The following LAMA2 variants were observed in gnomAD, a reference collection of about 807,000 sequenced individuals.
LAMA2 encodes the protein laminin subunit alpha 2, also known as laminin subunit alpha-2.
A neutral mutation model predicts 364.8 loss-of-function variants in LAMA2; 269 were observed. The ratio of observed to expected loss-of-function variants is 0.74; its 90% confidence interval spans 0.67 to 0.82. The LOEUF (loss-of-function observed/expected upper bound fraction) is 0.82. LAMA2 is among the 40% of genes least tolerant of loss of function. LAMA2 has a pLI of 0.00. For synonymous variants in LAMA2, 1,379 were observed against 1,370.6 expected, an observed-to-expected ratio of 1.01 and a Z score of -0.14; for missense variants, 3,807 against 3,873.2, an observed-to-expected ratio of 0.98 and a Z score of 0.45.
intron 58 of LAMA2, among the ~76,000 whole-genome samples, chr6:129,499,452 T>C (rs997436935): frequency 1.3e-5 from 2 of 152,174 alleles, no homozygotes; most frequent in African/African-American, 4.8e-5. Flanking sequence ...TTAGATCTTT[T>C]CTCTTACCCT....
In LAMA2 at chr6:128,935,399, C is replaced by T. The variant is rs985197002; in HGVS notation, c.112+52042C>T. On this transcript the variant is annotated intron_variant, in intron 1 of 64. Coordinates refer to ENST00000421865, the MANE Select transcript of LAMA2 (RefSeq NM_000426.4). ...GTCCCTGCAAAGGACATAAACTCAT[C>T]TTTTTTATGACTCTGTAGTATTCCA... Among the ~76,000 whole-genome samples, 29 of 152,194 alleles carry T rather than the reference C, an allele frequency of 1.9e-4. No homozygotes were observed. In the East Asian group the frequency reaches 5.4e-3, roughly 28 times the overall value.
intron 1 of LAMA2, among the ~76,000 whole-genome samples, chr6:128,922,110 T>A (rs547436576): frequency 6.6e-6 from 1 of 152,302 alleles, no homozygotes; most frequent in Non-Finnish European, 1.5e-5. Context: ...TCTATCTTTG[T>A]TGGACATTTG....
At chr6:129,355,910 G>A (rs1196054215) in intron 32 of LAMA2, among the ~76,000 whole-genome samples, 4 of 152,138 alleles carry the variant, frequency 2.6e-5, no homozygotes, top group South Asian at 2.1e-4. Flanking sequence ...TGATCATTGT[G>A]TGATCTCAGG....
At chr6:129,091,384 A>G (rs78108541) in intron 3 of LAMA2, among the ~76,000 whole-genome samples, 1,609 of 152,314 alleles carry the variant, frequency 0.011, 37 homozygotes, top group African/African-American at 0.037. Flanking sequence ...TCATTTTCCA[A>G]TGTGTTAACT....
chr6:128,996,150 G>A (rs564441075), intron 1 of LAMA2, among the ~76,000 whole-genome samples: 1 of 152,258 alleles, frequency 6.6e-6, no homozygotes, highest in African/African-American at 2.4e-5. Flanking sequence ...GTTGTGTCGG[G>A]CAATTTTAGA....
intron 12 of LAMA2, among the ~76,000 whole-genome samples, chr6:129,248,978 G>A (rs1785971876): frequency 6.6e-6 from 1 of 152,176 alleles, no homozygotes; most frequent in South Asian, 2.1e-4. Context: ...AGAGTTTTCT[G>A]AATTTAAGTT....
intron 29 of LAMA2, among the ~76,000 whole-genome samples, chr6:129,333,592 A>G (rs947714760): frequency 2.0e-5 from 3 of 152,198 alleles, no homozygotes; most frequent in African/African-American, 7.2e-5. Context: ...ATAACTTAAT[A>G]TTAGCCATCC....
At chr6:128,931,170 TTCATAAATTC>T (rs1397289236) in intron 1 of LAMA2, among the ~76,000 whole-genome samples, 4 of 152,222 alleles carry the variant, frequency 2.6e-5, no homozygotes, top group Non-Finnish European at 5.9e-5. Flanking sequence ...TTACAAGGTA[TTCATAAATTC>T]TTCAAACAAA....
At chr6:129,204,509 A>G (rs936852095) in intron 12 of LAMA2, among the ~76,000 whole-genome samples, 2 of 152,132 alleles carry the variant, frequency 1.3e-5, no homozygotes, top group Non-Finnish European at 2.9e-5. Context: ...TTGGAGATAA[A>G]CACACCGACA....
At chr6:129,401,183 T>C (rs1390453454) in intron 37 of LAMA2, 41 bp from the exon 38 acceptor site, 1 of 1,289,542 alleles carries the variant, frequency 7.8e-7, no homozygotes, top group South Asian at 1.2e-5. Flanking sequence ...TAGGATTTTA[T>C]GAAAATGCAA....
At chr6:129,447,263 G>A (rs926015279) in intron 45 of LAMA2, among the ~76,000 whole-genome samples, 3 of 152,210 alleles carry the variant, frequency 2.0e-5, no homozygotes, top group Admixed American at 6.5e-5. Context: ...TAGAAGCCGT[G>A]AGAAGTGACA....
At chr6:128,914,765 G>A (rs1222005857) in intron 1 of LAMA2, among the ~76,000 whole-genome samples, 1 of 152,110 alleles carries the variant, frequency 6.6e-6, no homozygotes, top group Non-Finnish European at 1.5e-5. Flanking sequence ...GGTGAAGATA[G>A]CAAATCTTCT....
chr6:128,995,171 CCTGA>C (rs1010202620), intron 1 of LAMA2, among the ~76,000 whole-genome samples: 4 of 152,100 alleles, frequency 2.6e-5, no homozygotes, highest in African/African-American at 9.7e-5. Flanking sequence ...TATTCAACAA[CCTGA>C]CTGTTTTCCA....
intron 1 of LAMA2, among the ~76,000 whole-genome samples, chr6:128,898,235 A>G (rs1416676998): frequency 6.6e-6 from 1 of 152,186 alleles, no homozygotes; most frequent in African/African-American, 2.4e-5. Context: ...GTCATAGGGT[A>G]GTCAAAGTTG....
At chr6:129,147,199 C>T (rs528238994) in intron 6 of LAMA2, 151 bp downstream of exon 6, 5 of 692,566 alleles carry the variant, frequency 7.2e-6, no homozygotes, top group South Asian at 1.5e-5. Flanking sequence ...GAAATAAGAG[C>T]TGGCAGTTAG....
At chr6:129,261,085 T>C (rs1442041062) in intron 15 of LAMA2, among the ~76,000 whole-genome samples, 1 of 152,248 alleles carries the variant, frequency 6.6e-6, no homozygotes, top group East Asian at 1.9e-4. Context: ...GCTACATATT[T>C]GATCTATTGT....
At chr6:129,496,351 A>T (rs1785192648) in intron 58 of LAMA2, among the ~76,000 whole-genome samples, 1 of 152,102 alleles carries the variant, frequency 6.6e-6, no homozygotes, top group Non-Finnish European at 1.5e-5. Context: ...TTTTTAGTAG[A>T]GACGGGATTT....
At chr6:129,172,749 A>G (rs1780279344) in intron 9 of LAMA2, among the ~76,000 whole-genome samples, 1 of 151,958 alleles carries the variant, frequency 6.6e-6, no homozygotes, top group South Asian at 2.1e-4. Flanking sequence ...AGCCTGGGCA[A>G]TGGCGGCGCC....
At chr6:129,458,323 T>C (rs1174228853) in intron 48 of LAMA2, among the ~76,000 whole-genome samples, 1 of 151,942 alleles carries the variant, frequency 6.6e-6, no homozygotes, top group Non-Finnish European at 1.5e-5. Context: ...ATTATGCAAA[T>C]GTAATTGGCA....
Sources: allele counts gnomAD v4.1 joint callset (sites outside exome capture counted in the v4.1 genomes callset), GRCh38; gene constraint gnomAD v4.1.1; transcripts MANE v1.5; gene names NCBI Gene and HGNC (gene_info 2026-07-23, HGNC 2026-07-21).